Variants in COL17A1 observed in about 807,000 individuals in gnomAD.
COL17A1 encodes the protein collagen type XVII alpha 1 chain, also known as collagen alpha-1(XVII) chain.
A neutral mutation model predicts 218.4 loss-of-function variants in COL17A1; 181 were observed. The ratio of observed to expected loss-of-function variants is 0.83; its 90% CI spans 0.73 to 0.94. COL17A1 has a LOEUF of 0.94. COL17A1 is among the 40% of genes least tolerant of loss of function. The pLI is 0.00. For missense variants in COL17A1, 1,924 were observed against 1,945.9 expected, an observed-to-expected ratio of 0.99 and a Z score of 0.21; for synonymous variants, 721 against 731.0, an observed-to-expected ratio of 0.99 and a Z score of 0.22.
Position 104,037,091 on chromosome 10 carries a change from C to T in COL17A1, c.3231G>A (p.Leu1077=), listed in dbSNP as rs141096247. ...YLRTSGYGVS[L]FSSSISSEDI... is the part of the protein sequence containing the mutation. ...CTTCAGAAGAGATGGAGGACGAGAA[C>T]AAGCTGACACCGTACCCCGAAGCTG... Residue 1077 remains leucine (L), a synonymous_variant, in exon 47 of 56, where the codon TTG becomes TTA. Coordinates refer to ENST00000648076, the MANE Select transcript of COL17A1 (RefSeq NM_000494.4). 51 of 1,607,280 alleles carry T rather than the reference C, an allele frequency of 3.2e-5. No individual in the cohort carries two copies. In the African/African-American group the frequency reaches 6.0e-4, roughly 19 times the overall value.
chr10:104,059,176 G>T, intron 15 of COL17A1: 1 of 237,656 alleles, frequency 4.2e-6, no homozygotes, highest in Non-Finnish European at 8.4e-6. Flanking sequence ...AATGTTCTAT[G>T]ACTTAACATT....
chr10:104,054,206 T>G, intron 20 of COL17A1, 88 bp from the exon 21 acceptor site: 3 of 1,400,604 alleles, frequency 2.1e-6, no homozygotes, highest in Non-Finnish European at 3.0e-6. Context: ...TCAGGTAGGG[T>G]TGCCAAACTT....
rs960979209 is a variant in COL17A1 at position 104,032,660 on chromosome 10, C to T, written c.4438+14G>A. On this transcript the variant is annotated intron_variant, in intron 55 of 55. Coordinates refer to ENST00000648076, the MANE Select transcript of COL17A1 (RefSeq NM_000494.4). ...CCTCCAGAACATGCAAAACGTGGAG[C>T]AGTCAACACTTACCTTTGTCTCCTT... 1 of 1,612,690 alleles carries T rather than the reference C, an allele frequency of 6.2e-7. No homozygotes were observed. Among genetic ancestry groups the T allele is most frequent in the Non-Finnish European group, 8.5e-7 (1 of 1,178,950 alleles).
In COL17A1 at chr10:104,043,549, G is replaced by A; in HGVS notation, c.2467C>T (p.Pro823Ser). The A allele has an allele frequency of 1.2e-6, 2 of 1,613,654 alleles. No homozygotes were observed. Among genetic ancestry groups the A allele is most frequent in the Non-Finnish European group, 8.5e-7 (1 of 1,180,000 alleles). Residue 823 changes from proline (P) to serine (S), a missense_variant, in exon 35 of 56, where the codon CCA becomes TCA. Pro to Ser is a moderately conservative substitution (Grantham distance 74, BLOSUM62 -1). Transcript: ENST00000648076. ...GGTCCCATGGCTCCAGGAGGTCCTG[G>A]GGGGCCTGGGACAGTGAGCATCGAT... ...GSSMLTVPGPPGPPGAMGPPG... is the reference protein window; with the variant it reads ...GSSMLTVPGPSGPPGAMGPPG...
At chr10:104,050,289 A>C (rs1472709792) in intron 27 of COL17A1, among the ~76,000 whole-genome samples, 165 bp from the exon 28 acceptor site, 1 of 152,180 alleles carries the variant, frequency 6.6e-6, no homozygotes, top group East Asian at 1.9e-4. Flanking sequence ...AAAGGAGCAC[A>C]TCTGATCTTT....
intron 13 of COL17A1, 79 bp from the exon 14 acceptor site, chr10:104,060,359 G>A (rs1210837587): frequency 3.8e-6 from 6 of 1,583,492 alleles, no homozygotes; most frequent in Non-Finnish European, 5.1e-6. Context: ...AGAAGAGGAA[G>A]GAGAAGAAAG....
At chr10:104,048,028 G>GT (rs778644492) in intron 30 of COL17A1, 41 bp downstream of exon 30, 1 of 1,613,088 alleles carries the variant, frequency 6.2e-7, no homozygotes, top group Admixed American at 1.7e-5. Flanking sequence ...AACAGGGGCT[G>GT]TGACGGGAGT....
At position 104,037,088 on chromosome 10, in the gene COL17A1, G is replaced by T; in HGVS notation, c.3234C>A (p.Phe1078Leu). The change falls in exon 47 of 56, where the codon TTC becomes TTA. Residue 1078 changes from phenylalanine (F) to leucine (L), a missense_variant. Phe to Leu is a conservative substitution (Grantham distance 22). Coordinates refer to ENST00000648076, the MANE Select transcript of COL17A1 (RefSeq NM_000494.4). The part of the protein sequence containing the change: ...LRTSGYGVSL[F>L]SSSISSEDIL... ...TGTCTTCAGAAGAGATGGAGGACGA[G>T]AACAAGCTGACACCGTACCCCGAAG... The T allele has an allele frequency of 6.2e-7, 1 of 1,607,514 alleles. No homozygotes were observed. The highest frequency in any genetic ancestry group is 8.5e-7 in the Non-Finnish European group (1 of 1,177,578).
Position 104,062,236 on chromosome 10 carries a change from G to T in COL17A1, c.910+22C>A, listed in dbSNP as rs567677055. 3 of 1,614,220 alleles carry T rather than the reference G, an allele frequency of 1.9e-6. No individual in the cohort carries two copies. The Admixed American group carries it at 5.0e-5, about 27-fold the overall frequency. ...AGAGGTGTCACTTTCCAGCGCCTAA[G>T]CTCCAACCCTAGCCTACTGACCTGT... On this transcript the variant is annotated intron_variant, in intron 12 of 55. Transcript: ENST00000648076.
At chr10:104,068,793 G>A (rs2086647200) in intron 9 of COL17A1, among the ~76,000 whole-genome samples, 1 of 152,200 alleles carries the variant, frequency 6.6e-6, no homozygotes, top group Non-Finnish European at 1.5e-5. Context: ...GGAGGAAGAA[G>A]TTAGATTGTT....
At chr10:104,080,290 G>C (rs1187270623) in intron 2 of COL17A1, among the ~76,000 whole-genome samples, 2 of 152,182 alleles carry the variant, frequency 1.3e-5, no homozygotes, top group Non-Finnish European at 2.9e-5. Context: ...TATTCGTTTA[G>C]ATTTCTGTTG....
intron 18 of COL17A1, 117 bp downstream of exon 18, chr10:104,055,665 G>A: frequency 7.1e-7 from 1 of 1,399,352 alleles, no homozygotes; most frequent in Non-Finnish European, 9.8e-7. Context: ...ATCAGGGGAG[G>A]AGAGAGGCCG....
chr10:104,082,928 C>G (rs1168386006), intron 1 of COL17A1, among the ~76,000 whole-genome samples: 1 of 152,188 alleles, frequency 6.6e-6, no homozygotes, highest in East Asian at 1.9e-4. Context: ...CCTTCAGGGC[C>G]TGGGAGCTCC....
At chr10:104,056,117 A>G (rs2086523110) in intron 17 of COL17A1, 114 bp from the exon 18 acceptor site, 1 of 1,237,096 alleles carries the variant, frequency 8.1e-7, no homozygotes, top group Non-Finnish European at 1.2e-6. Context: ...TGGCTTCTTC[A>G]TGCTAGAATA....
chr10:104,037,634 A>C lies in COL17A1; in HGVS notation c.3208+2T>G, dbSNP rs1467432257. ...AGGTGCAGGGCGTGGGGAAGGGCTTACTCCGTAAGTAGCTCACAACGTGGC... is the reference window on the plus strand; with the variant it reads ...AGGTGCAGGGCGTGGGGAAGGGCTTCCTCCGTAAGTAGCTCACAACGTGGC... On this transcript the variant is annotated splice_donor_variant, in intron 46 of 55. Transcript: ENST00000648076. LOFTEE classifies it high-confidence loss of function. 1 of 1,614,120 alleles carries C rather than the reference A, an allele frequency of 6.2e-7. No homozygotes were observed. The highest frequency in any genetic ancestry group is 8.5e-7 in the Non-Finnish European group (1 of 1,180,018).
intron 48 of COL17A1, 109 bp downstream of exon 48, chr10:104,036,383 C>A: frequency 6.9e-7 from 1 of 1,451,706 alleles, no homozygotes; most frequent in South Asian, 1.2e-5. Context: ...GGGGTTGGTG[C>A]AGTCTGGCAG....
chr10:104,070,307 G>A (rs577371672), intron 9 of COL17A1, 119 bp downstream of exon 9: 2 of 1,547,040 alleles, frequency 1.3e-6, no homozygotes, highest in Admixed American at 1.9e-5. Context: ...ATGAGATTTG[G>A]TGGGCCCCAA....
Position 104,037,078 on chromosome 10 carries a change from T to G in COL17A1, c.3244A>C (p.Ile1082Leu). The G allele has an allele frequency of 3.7e-6, 6 of 1,607,880 alleles. No individual in the cohort carries two copies. Among genetic ancestry groups the G allele is most frequent in the Non-Finnish European group, 5.1e-6 (6 of 1,177,908 alleles). ...ACAGCCAGAATGTCTTCAGAAGAGATGGAGGACGAGAACAAGCTGACACCG... is the reference window on the plus strand; with the variant it reads ...ACAGCCAGAATGTCTTCAGAAGAGAGGGAGGACGAGAACAAGCTGACACCG... ...GYGVSLFSSSISSEDILAVLQ... is the reference protein window; with the variant it reads ...GYGVSLFSSSLSSEDILAVLQ... Residue 1082 changes from isoleucine to leucine, a missense_variant, in exon 47 of 56, where the codon ATC becomes CTC. Coordinates refer to ENST00000648076, the MANE Select transcript of COL17A1 (RefSeq NM_000494.4).
At chr10:104,078,735 G>T in intron 2 of COL17A1, 149 bp from the exon 3 acceptor site, 1 of 1,042,952 alleles carries the variant, frequency 9.6e-7, no homozygotes. Flanking sequence ...TGTGTGATCT[G>T]ACCCACTGTG....
Sources: gnomAD v4.1 joint callset for allele counts (sites outside exome capture counted in the v4.1 genomes callset) on GRCh38, gnomAD v4.1.1 for gene constraint, MANE v1.5 for transcripts, NCBI Gene and HGNC (gene_info 2026-07-23, HGNC 2026-07-21) for gene names.